ZCCHC17: variants seen among roughly 807,000 people sequenced by gnomAD.
ZCCHC17 encodes the protein zinc finger CCHC domain-containing protein 17.
In ZCCHC17, 18 loss-of-function variants were observed where a neutral mutation model predicts 30.6. That is an observed-to-expected ratio of 0.59 (90% confidence interval 0.41 to 0.87). ZCCHC17 has a LOEUF of 0.87. ZCCHC17 is among the 40% of genes least tolerant of loss of function. The probability of loss-of-function intolerance (pLI) is 0.00; values close to 1 mark genes in which losing one functional copy is unlikely to be tolerated. For synonymous variants in ZCCHC17, 88 were observed against 92.4 expected, an observed-to-expected ratio of 0.95 and a Z score of 0.27; for missense variants, 263 against 284.2, an observed-to-expected ratio of 0.93 and a Z score of 0.54.
intron 1 of ZCCHC17, 149 bp from the exon 2 acceptor site, chr1:31,309,895 C>T (rs1646557134): frequency 7.0e-6 from 3 of 427,314 alleles, no homozygotes; most frequent in Non-Finnish European, 1.2e-5. Context: ...AAACTCCCCA[C>T]AATTAGAATA....
chr1:31,310,922 A>G (rs1399447726), intron 2 of ZCCHC17, among the ~76,000 whole-genome samples: 2 of 152,050 alleles, frequency 1.3e-5, no homozygotes, highest in African/African-American at 4.8e-5. Context: ...TGCAAGTCCT[A>G]ATTATATCTC....
intron 3 of ZCCHC17, among the ~76,000 whole-genome samples, chr1:31,320,908 A>G (rs745846930): frequency 1.4e-4 from 21 of 152,150 alleles, no homozygotes; most frequent in Non-Finnish European, 2.6e-4. Context: ...CCAGCAATGT[A>G]TGAGGGTTCT....
chr1:31,359,046 T>C (rs1412632590), intron 7 of ZCCHC17, among the ~76,000 whole-genome samples: 4 of 152,184 alleles, frequency 2.6e-5, no homozygotes, highest in African/African-American at 9.6e-5. Context: ...CTAGGTAAGA[T>C]GGTCTGTATC....
chr1:31,312,016 T>G (rs1255857186), intron 2 of ZCCHC17, among the ~76,000 whole-genome samples: 8 of 152,194 alleles, frequency 5.3e-5, no homozygotes, highest in Non-Finnish European at 7.4e-5. Context: ...AGGAATAAGG[T>G]GCCATCTTGG....
At chr1:31,303,166 C>A (rs1646361165) in intron 1 of ZCCHC17, among the ~76,000 whole-genome samples, 2 of 152,034 alleles carry the variant, frequency 1.3e-5, no homozygotes, top group Admixed American at 1.3e-4. Flanking sequence ...GTTTCTGTCC[C>A]AGCTACTTGG....
At position 31,364,163 on chromosome 1, in the gene ZCCHC17, G is replaced by C. The variant is rs368664445; in HGVS notation, c.696G>C (p.Lys232Asn). 1.2e-6 allele frequency: 2 copies of C among 1,613,562 alleles called. No homozygotes were observed. Among genetic ancestry groups the C allele is most frequent in the Non-Finnish European group, 1.7e-6 (2 of 1,179,800 alleles). The change falls in exon 8 of 8, where the codon AAG (lysine) becomes AAC (asparagine). Residue 232 changes from lysine to asparagine, a missense_variant. By Grantham distance (94) the Lys-to-Asn change is moderately conservative. Transcript: ENST00000344147. ...DSKAAKKKKK[K>N]KKHKKKHKE The stretch of plus-strand genomic sequence containing the variant: ...AGGCAGCAAAGAAGAAGAAAAAGAA[G>C]AAGAAGCACAAGAAGAAGCACAAGG...
chr1:31,346,626 C>A lies in ZCCHC17; in HGVS notation c.318-14C>A. The A allele has an allele frequency of 6.3e-7, 1 of 1,597,586 alleles. No homozygotes were observed. The highest frequency in any genetic ancestry group is 8.6e-7 in the Non-Finnish European group (1 of 1,167,970). On this transcript the variant is annotated splice_polypyrimidine_tract_variant and intron_variant, in intron 5 of 7. Transcript: ENST00000344147. ...TCTTAAGGGGGCCGGCAGTCGGTAT[C>A]TTTTTCATTATAGGCAAGAAGAGAG...
At chr1:31,327,314 C>T (rs1006822011) in intron 3 of ZCCHC17, among the ~76,000 whole-genome samples, 9 of 152,216 alleles carry the variant, frequency 5.9e-5, no homozygotes, top group African/African-American at 1.4e-4. Context: ...TCCTGGGCCA[C>T]TTGTACTTCT....
intron 3 of ZCCHC17, among the ~76,000 whole-genome samples, chr1:31,332,209 T>C (rs922599099): frequency 6.6e-6 from 1 of 152,218 alleles, no homozygotes; most frequent in Non-Finnish European, 1.5e-5. Context: ...TGTATTTTAG[T>C]ATATAAGCAT....
At chr1:31,311,590 T>C (rs1457000566) in intron 2 of ZCCHC17, among the ~76,000 whole-genome samples, 2 of 152,204 alleles carry the variant, frequency 1.3e-5, no homozygotes, top group Admixed American at 6.5e-5. Context: ...TGAAGACTAC[T>C]CTGTTTCCAA....
At chr1:31,311,825 C>T (rs533959614) in intron 2 of ZCCHC17, among the ~76,000 whole-genome samples, 5 of 152,182 alleles carry the variant, frequency 3.3e-5, no homozygotes, top group South Asian at 2.1e-4. Context: ...TAGTCCCCCC[C>T]GTGGGGGTAT....
chr1:31,333,234 T>A (rs12724265), intron 3 of ZCCHC17: 33,796 of 151,874 alleles, frequency 0.22, 4,302 homozygotes, highest in African/African-American at 0.35. Flanking sequence ...AAATAGAATT[T>A]AAAAAAATGC....
At chr1:31,357,840 C>G (rs974438873) in intron 7 of ZCCHC17, among the ~76,000 whole-genome samples, 4 of 151,752 alleles carry the variant, frequency 2.6e-5, no homozygotes, top group Non-Finnish European at 5.9e-5. Flanking sequence ...ACTGCAACCT[C>G]TGCCTCCTGG....
intron 1 of ZCCHC17, among the ~76,000 whole-genome samples, chr1:31,300,020 C>G (rs1214394645): frequency 3.9e-5 from 6 of 152,180 alleles, no homozygotes; most frequent in Non-Finnish European, 8.8e-5. Context: ...ATCTGTTTAA[C>G]TTCTCTACTT....
intron 5 of ZCCHC17, among the ~76,000 whole-genome samples, chr1:31,342,492 G>A (rs927876171): frequency 4.6e-5 from 7 of 152,126 alleles, no homozygotes; most frequent in Non-Finnish European, 7.3e-5. Flanking sequence ...ATGGATAGGG[G>A]GCTGGAATGG....
chr1:31,349,524 G>T lies in ZCCHC17; in HGVS notation c.564+550G>T, dbSNP rs535913517. Among the ~76,000 whole-genome samples the T allele has an allele frequency of 3.8e-3, 579 of 152,070 alleles. 3 individuals are homozygous for T. Among genetic ancestry groups the T allele is most frequent in the African/African-American group, 0.013 (550 of 41,474 alleles). ...TTTTGTATTTTTAGTAGAGATGGGG[G>T]GTTTTGCCTTGTGGGCCAGGCTGAT... is the stretch of plus-strand genomic sequence containing the variant. On this transcript the variant is annotated intron_variant, in intron 7 of 7. Transcript: ENST00000344147.
intron 6 of ZCCHC17, among the ~76,000 whole-genome samples, chr1:31,347,180 T>A (rs760771291): frequency 1.2e-4 from 18 of 152,366 alleles, no homozygotes; most frequent in Non-Finnish European, 2.2e-4. Context: ...GAATACAATA[T>A]CTTTTTACAG....
intron 5 of ZCCHC17, among the ~76,000 whole-genome samples, chr1:31,345,157 T>A (rs1258330492): frequency 6.6e-6 from 1 of 151,300 alleles, no homozygotes; most frequent in Admixed American, 6.6e-5. Flanking sequence ...TCTGTTTGTT[T>A]GTTTGTTTGT....
At chr1:31,316,894 TA>T (rs955794434) in intron 2 of ZCCHC17, among the ~76,000 whole-genome samples, 1 of 152,162 alleles carries the variant, frequency 6.6e-6, no homozygotes, top group Non-Finnish European at 1.5e-5. Context: ...ATGTCTCCAT[TA>T]AAAAATGAGA....
Sources: gnomAD v4.1 joint callset for allele counts (sites outside exome capture counted in the v4.1 genomes callset) on GRCh38, gnomAD v4.1.1 for gene constraint, MANE v1.5 for transcripts, NCBI Gene and HGNC (gene_info 2026-07-23, HGNC 2026-07-21) for gene names.